GNAL: variants seen among roughly 807,000 people sequenced by gnomAD.
The protein encoded by GNAL is G protein subunit alpha L.
Under a neutral mutation model 55.1 loss-of-function variants are expected in GNAL, and 18 were observed. That is an observed-to-expected ratio of 0.33 (90% CI 0.23 to 0.48). The LOEUF is 0.48. GNAL is among the 20% of genes least tolerant of loss of function. The pLI is 0.99. For missense variants in GNAL, 412 were observed against 614.1 expected, an observed-to-expected ratio of 0.67 and a Z score of 3.48; for synonymous variants, 253 against 237.0, an observed-to-expected ratio of 1.07 and a Z score of -0.62.
At chr18:11,796,596 C>CAA (rs1334256873) in intron 4 of GNAL, among the ~76,000 whole-genome samples, 15 of 129,176 alleles carry the variant, frequency 1.2e-4, no homozygotes, top group African/African-American at 3.2e-4. Flanking sequence ...AAAAAAAAAA[C>CAA]AAAACACGCA....
At chr18:11,848,459 T>C (rs2143768399) in intron 5 of GNAL, among the ~76,000 whole-genome samples, 1 of 150,896 alleles carries the variant, frequency 6.6e-6, no homozygotes, top group African/African-American at 2.5e-5. Flanking sequence ...TTTTTTTCTT[T>C]TCTTTTTTTT....
At chr18:11,753,261 A>G (rs952966512) in intron 2 of GNAL, among the ~76,000 whole-genome samples, 3 of 152,336 alleles carry the variant, frequency 2.0e-5, no homozygotes, top group Admixed American at 2.0e-4. Flanking sequence ...ATTTCAGTTT[A>G]TAACTGTCAA....
chr18:11,768,907 A>ATAG (rs1373176499), intron 4 of GNAL, among the ~76,000 whole-genome samples: 1 of 109,506 alleles, frequency 9.1e-6, no homozygotes, highest in African/African-American at 4.9e-5. Flanking sequence ...AAAAAAAAAA[A>ATAG]ATATATATAT....
intron 11 of GNAL, 109 bp downstream of exon 11, chr18:11,876,797 C>A: frequency 2.7e-6 from 2 of 744,570 alleles, no homozygotes; most frequent in Admixed American, 2.0e-5. Flanking sequence ...CTTAACATTA[C>A]GAGCGATGAC....
At chr18:11,711,119 CCCA>C (rs1424636150) in intron 1 of GNAL, among the ~76,000 whole-genome samples, 3 of 152,188 alleles carry the variant, frequency 2.0e-5, no homozygotes, top group Admixed American at 2.0e-4. Context: ...TCGTGATCCA[CCCA>C]CCTCAGCCTC....
chr18:11,777,630 C>T (rs570921185), intron 4 of GNAL, among the ~76,000 whole-genome samples: 4 of 152,318 alleles, frequency 2.6e-5, no homozygotes, highest in African/African-American at 9.6e-5. Context: ...AATTAGCACT[C>T]TTGAAGTATT....
At chr18:11,829,727 T>G (rs2035333822) in intron 5 of GNAL, among the ~76,000 whole-genome samples, 1 of 152,158 alleles carries the variant, frequency 6.6e-6, no homozygotes, top group African/African-American at 2.4e-5. Context: ...CAGCGCTCAG[T>G]CAACGGGCGC....
chr18:11,691,867 C>T (rs954413774), intron 1 of GNAL, among the ~76,000 whole-genome samples: 6 of 152,142 alleles, frequency 3.9e-5, no homozygotes, highest in Non-Finnish European at 4.4e-5. Flanking sequence ...TGTGTAACTG[C>T]GTGCAGGAGG....
intron 9 of GNAL, among the ~76,000 whole-genome samples, chr18:11,870,229 C>G (rs1033776665): frequency 6.6e-6 from 1 of 151,886 alleles, no homozygotes; most frequent in Non-Finnish European, 1.5e-5. Flanking sequence ...TTAGGAAGTA[C>G]CAGTTTAGGG....
chr18:11,875,958 G>A (rs2036522115), intron 10 of GNAL, among the ~76,000 whole-genome samples: 1 of 150,976 alleles, frequency 6.6e-6, no homozygotes, highest in Non-Finnish European at 1.5e-5. Flanking sequence ...AGAGGGTGAG[G>A]GGTCTCTCTC....
rs375990148 is a variant in GNAL, at chr18:11,825,039, A to C, written c.722+24A>C. Reference sequence around the variant, plus strand: ...TAGTAAGTTGTGTCCTGTACAAGTTACAGGGCCCTTTGAAGAATATGATTG... The same window carrying C: ...TAGTAAGTTGTGTCCTGTACAAGTTCCAGGGCCCTTTGAAGAATATGATTG... On this transcript the variant is annotated intron_variant, in intron 5 of 11. Coordinates refer to ENST00000334049, the MANE Select transcript of GNAL (RefSeq NM_182978.4). The C allele has an allele frequency of 2.3e-5, 28 of 1,239,738 alleles. No individual in the cohort carries two copies. The African/African-American group carries it at 3.3e-4, about 15-fold the overall frequency. The allele number at this position is 1,239,738 out of a possible 1,614,324, so 76.8% of individuals were successfully genotyped here.
At chr18:11,780,161 A>G (rs934899509) in intron 4 of GNAL, among the ~76,000 whole-genome samples, 2 of 152,088 alleles carry the variant, frequency 1.3e-5, no homozygotes, top group Non-Finnish European at 2.9e-5. Flanking sequence ...TTCTATTTTT[A>G]ATTTTTTTAA....
At chr18:11,725,223 G>A in intron 1 of GNAL, among the ~76,000 whole-genome samples, 1 of 152,178 alleles carries the variant, frequency 6.6e-6, no homozygotes, top group East Asian at 1.9e-4. Flanking sequence ...GATTTAAAGG[G>A]TAATTAGGAT....
intron 11 of GNAL, among the ~76,000 whole-genome samples, chr18:11,878,531 G>A (rs2143928197): frequency 6.6e-6 from 1 of 152,254 alleles, no homozygotes; most frequent in South Asian, 2.1e-4. Flanking sequence ...GCTCTAGACA[G>A]GGACAAATAG....
chr18:11,716,850 G>A (rs537070585), intron 1 of GNAL, among the ~76,000 whole-genome samples: 36 of 152,298 alleles, frequency 2.4e-4, no homozygotes, highest in African/African-American at 8.4e-4. Flanking sequence ...AGTTCTCCAC[G>A]TCCCCACCAG....
At chr18:11,821,295 T>A (rs1385507954) in intron 4 of GNAL, among the ~76,000 whole-genome samples, 1 of 152,200 alleles carries the variant, frequency 6.6e-6, no homozygotes, top group Admixed American at 6.5e-5. Context: ...GAATAGAAGA[T>A]GATTTAATAT....
intron 7 of GNAL, among the ~76,000 whole-genome samples, chr18:11,866,200 A>G (rs2036259159): frequency 6.7e-6 from 1 of 150,140 alleles, no homozygotes; most frequent in Non-Finnish European, 1.5e-5. Flanking sequence ...TGTATCTCAC[A>G]TCTGTGATTT....
intron 5 of GNAL, among the ~76,000 whole-genome samples, chr18:11,826,456 C>T (rs2035249712): frequency 6.6e-6 from 1 of 152,136 alleles, no homozygotes; most frequent in East Asian, 1.9e-4. Context: ...TGGGGCCAGA[C>T]ACCCCCAGGG....
At chr18:11,872,485 A>G (rs2143890651) in intron 10 of GNAL, 87 bp downstream of exon 10, 1 of 823,738 alleles carries the variant, frequency 1.2e-6, no homozygotes, top group Non-Finnish European at 1.9e-6. Flanking sequence ...ACCTCTGATG[A>G]ATCAAAGAAA....
Sources: gnomAD v4.1 joint callset for allele counts (sites outside exome capture counted in the v4.1 genomes callset) on GRCh38, gnomAD v4.1.1 for gene constraint, MANE v1.5 for transcripts, NCBI Gene and HGNC (gene_info 2026-07-23, HGNC 2026-07-21) for gene names.